GUK1: variants seen among roughly 807,000 people sequenced by gnomAD.
GUK1 encodes the protein guanylate kinase.
GUK1 carries 18 observed loss-of-function variants against 25.2 expected under a neutral mutation model. The ratio of observed to expected loss-of-function variants is 0.71; its 90% confidence interval spans 0.49 to 1.06. The LOEUF is 1.06. Among genes scored for constraint, GUK1 ranks in the 50% least tolerant of loss-of-function variants. GUK1 has a pLI of 0.00. For missense variants in GUK1, 261 were observed against 276.7 expected, an observed-to-expected ratio of 0.94 and a Z score of 0.40; for synonymous variants, 105 against 117.6, an observed-to-expected ratio of 0.89 and a Z score of 0.69.
At chr1:228,141,339 G>T (rs1384520791) in intron 2 of GUK1, 3 of 811,688 alleles carry the variant, frequency 3.7e-6, no homozygotes, top group Admixed American at 6.2e-5. Context: ...AAATGAAAGC[G>T]CCCTGGCTGC....
rs368849741 is a variant in GUK1, at chr1:228,148,692, G to T, written c.589G>T (p.Ala197Ser). The T allele has an allele frequency of 6.2e-7, 1 of 1,602,476 alleles. No individual in the cohort carries two copies. Residue 197 changes from alanine (A) to serine (S), a missense_variant, in exon 9 of 9, where the codon GCC becomes TCC. Transcript: ENST00000312726. The stretch of plus-strand genomic sequence containing the variant: ...AATCAAGAAAGCTCAAAGGACCGGC[G>T]CCTGAGGCTTGCTGTCTGTTCTCGG...
rs1391426178 is a variant in GUK1, at chr1:228,142,648, C to A, written c.-3+1360C>A. ...GTTGGTGTCTGATCGTTGTCAGGGC[C>A]CTGTGGTGAAGAGACACACCTGCCA... On this transcript the variant is annotated intron_variant, in intron 2 of 8. Coordinates refer to ENST00000312726, the MANE Select transcript of GUK1 (RefSeq NM_000858.7). Among the ~76,000 whole-genome samples, 3 of 151,986 alleles carry A rather than the reference C, an allele frequency of 2.0e-5. No individual in the cohort carries two copies. The East Asian group carries it at 5.8e-4, about 30-fold the overall frequency.
intron 4 of GUK1, 71 bp downstream of exon 3, chr1:228,146,138 TTGGCTGTGC>T: frequency 9.9e-7 from 1 of 1,010,298 alleles, no homozygotes; most frequent in African/African-American, 1.6e-5. Context: ...TGCAGCTGTG[TTGGCTGTGC>T]TGCCCGTCTC....
chr1:228,148,792 C>T lies in GUK1; in HGVS notation c.*95C>T. 6.3e-7 allele frequency: 1 copy of T among 1,598,838 alleles called. No homozygotes were observed. The highest frequency in any genetic ancestry group is 8.5e-7 in the Non-Finnish European group (1 of 1,173,280). ...GGCAGGCGATACGGCAGCTCTGTGC[C>T]CTTGGCCAGCATGTGGAGTGGAGGA... On this transcript the variant is annotated 3_prime_UTR_variant, in exon 9 of 9. Coordinates refer to ENST00000312726, the MANE Select transcript of GUK1 (RefSeq NM_000858.7).
At chr1:228,148,038 C>G (rs2034494549) in intron 7 of GUK1, 3 of 577,148 alleles carry the variant, frequency 5.2e-6, no homozygotes, top group Non-Finnish European at 9.3e-6. Context: ...CAGCTGTTGC[C>G]TCTTCTCTGG....
At chr1:228,141,903 G>A (rs2034078448) in intron 2 of GUK1, 1 of 571,990 alleles carries the variant, frequency 1.7e-6, no homozygotes, top group Non-Finnish European at 2.4e-6. Flanking sequence ...GTTGGTGAGA[G>A]TGGAGAGCAC....
At position 228,140,323 on chromosome 1, in the gene GUK1, C is replaced by G; in HGVS notation, c.-208C>G. The G allele has an allele frequency of 1.3e-6, 2 of 1,529,306 alleles. No individual in the cohort carries two copies. The highest frequency in any genetic ancestry group is 1.7e-6 in the Non-Finnish European group (2 of 1,144,466). 94.7% of individuals were successfully genotyped at this position (1,529,306 alleles called of 1,614,324 possible). A position where few individuals can be genotyped will look rare whatever the true frequency, so the allele number is the denominator to read the frequency against. On this transcript the variant is annotated 5_prime_UTR_variant, in exon 1 of 9. Transcript: ENST00000312726. ...CCCGGATGCTGCGGCGCCCGCTGGC[C>G]GGGCTGGCTGCGGCCGCCCTGGGCC...
intron 2 of GUK1, 35 bp from the exon 2 acceptor site, chr1:228,145,476 G>A (rs773127917): frequency 1.3e-5 from 20 of 1,564,494 alleles, no homozygotes; most frequent in Admixed American, 9.3e-5. Context: ...ACTAGAGGCC[G>A]CACTGCTATC....
At chr1:228,142,019 G>A (rs1351702480) in intron 2 of GUK1, among the ~76,000 whole-genome samples, 1 of 152,278 alleles carries the variant, frequency 6.6e-6, no homozygotes, top group Admixed American at 6.5e-5. Context: ...GATTGCAGGA[G>A]CCTTGAGGCC....
At chr1:228,143,095 G>C (rs181381891) in intron 2 of GUK1, among the ~76,000 whole-genome samples, 1 of 152,298 alleles carries the variant, frequency 6.6e-6, no homozygotes, top group Admixed American at 6.5e-5. Context: ...GAGGGAGGAG[G>C]GGAGGCCTGG....
At chr1:228,146,797 G>C in intron 4 of GUK1, 45 bp from the exon 4 acceptor site, 2 of 1,341,634 alleles carry the variant, frequency 1.5e-6, no homozygotes, top group Admixed American at 1.7e-5. Context: ...GGGCACCCTG[G>C]TGCAGGTCCA....
intron 2 of GUK1, among the ~76,000 whole-genome samples, chr1:228,142,004 C>T (rs1223299045): frequency 6.6e-6 from 1 of 152,272 alleles, no homozygotes; most frequent in African/African-American, 2.4e-5. Flanking sequence ...TGGTTTCCAC[C>T]GCAAGATTGC....
intron 2 of GUK1, among the ~76,000 whole-genome samples, chr1:228,142,509 C>T (rs932044174): frequency 1.2e-4 from 18 of 152,044 alleles, no homozygotes; most frequent in African/African-American, 4.3e-4. Flanking sequence ...GAGGGGAGGC[C>T]TGGGAGCCTG....
At chr1:228,144,777 T>G in intron 2 of GUK1, 2 of 965,272 alleles carry the variant, frequency 2.1e-6, no homozygotes, top group Non-Finnish European at 2.5e-6. Flanking sequence ...TGGGGAGGAT[T>G]CCCACCAGGC....
chr1:228,146,720 C>T, intron 4 of GUK1, 122 bp from the exon 4 acceptor site: 1 of 644,612 alleles, frequency 1.6e-6, no homozygotes, highest in Non-Finnish European at 2.8e-6. Context: ...CAGCAAGGAT[C>T]TGACTAAAGC....
intron 2 of GUK1, chr1:228,141,963 C>T (rs1232860813): frequency 2.0e-5 from 5 of 256,186 alleles, no homozygotes; most frequent in Non-Finnish European, 2.9e-5. Context: ...ACACCTTTGG[C>T]GCATGTGTTC....
rs1349510596 is a variant in GUK1 at position 228,148,457 on chromosome 1, G to A, written c.561+1G>A. On this transcript the variant is annotated splice_donor_variant, in intron 8 of 8. Coordinates refer to ENST00000312726, the MANE Select transcript of GUK1 (RefSeq NM_000858.7). LOFTEE classifies it high-confidence loss of function. ...AGAGCTGAAGGAGGCGCTCTCTGAGGTGGGCCCATCCTTGTGCCTACCTGG... is the reference window on the plus strand; with the variant it reads ...AGAGCTGAAGGAGGCGCTCTCTGAGATGGGCCCATCCTTGTGCCTACCTGG... 6.4e-7 allele frequency: 1 copy of A among 1,570,178 alleles called. No individual in the cohort carries two copies.
At position 228,148,420 on chromosome 1, in the gene GUK1, C is replaced by G; in HGVS notation, c.525C>G (p.Asp175Glu). Residue 175 changes from aspartate to glutamate, a missense_variant, in exon 8 of 9, where the codon GAC (aspartate) becomes GAG (glutamate). Coordinates refer to ENST00000312726, the MANE Select transcript of GUK1 (RefSeq NM_000858.7). ...TGGTCATCATTAACGACAGCCTGGA[C>G]CAGGCCTACGCAGAGCTGAAGGAGG... 1 of 1,566,266 alleles carries G rather than the reference C, an allele frequency of 6.4e-7. No individual in the cohort carries two copies. Among genetic ancestry groups the G allele is most frequent in the Non-Finnish European group, 8.7e-7 (1 of 1,152,184 alleles).
At chr1:228,146,199 T>A in intron 4 of GUK1, 132 bp downstream of exon 3, 1 of 649,732 alleles carries the variant, frequency 1.5e-6, no homozygotes, top group Non-Finnish European at 2.8e-6. Context: ...GGTCCTTGCC[T>A]CCAAGGGCCG....
Sources: gnomAD v4.1 joint callset for allele counts (sites outside exome capture counted in the v4.1 genomes callset) on GRCh38, gnomAD v4.1.1 for gene constraint, MANE v1.5 for transcripts, NCBI Gene and HGNC (gene_info 2026-07-23, HGNC 2026-07-21) for gene names.